AGPAT2: variants seen among roughly 807,000 people sequenced by gnomAD.
AGPAT2 encodes the protein 1-acyl-sn-glycerol-3-phosphate acyltransferase beta.
AGPAT2 carries 18 observed loss-of-function variants against 26.1 expected under a neutral mutation model. The observed-to-expected ratio is 0.69, with a 90% confidence interval of 0.48 to 1.02. The LOEUF is 1.02. AGPAT2 is among the 50% of genes least tolerant of loss of function. The probability of loss-of-function intolerance (pLI) is 0.00; values close to 1 mark genes in which losing one functional copy is unlikely to be tolerated. For missense variants in AGPAT2, 415 were observed against 394.9 expected (o/e 1.05, Z -0.43); for synonymous variants, 200 against 174.2 (o/e 1.15, Z -1.16).
chr9:136,674,457 C>T (rs1242698001), intron 5 of AGPAT2, among the ~76,000 whole-genome samples: 1 of 152,208 alleles, frequency 6.6e-6, no homozygotes, highest in African/African-American at 2.4e-5. Context: ...CCCTCCAGGC[C>T]CCCAAGCTGT....
At chr9:136,686,149 C>T (rs1360611601) in intron 1 of AGPAT2, among the ~76,000 whole-genome samples, 3 of 152,204 alleles carry the variant, frequency 2.0e-5, no homozygotes, top group Non-Finnish European at 4.4e-5. Context: ...ACTGTAGGCC[C>T]GTTCCAGCAG....
intron 1 of AGPAT2, among the ~76,000 whole-genome samples, chr9:136,685,629 C>T (rs1484742600): frequency 2.6e-5 from 4 of 152,184 alleles, no homozygotes; most frequent in Admixed American, 1.3e-4. Context: ...CCCCAGGACA[C>T]GCCCAGCACA....
chr9:136,686,328 T>G (rs1043239358), intron 1 of AGPAT2, among the ~76,000 whole-genome samples: 1 of 152,024 alleles, frequency 6.6e-6, no homozygotes, highest in African/African-American at 2.4e-5. Flanking sequence ...CAGGGAGAAA[T>G]GTAGCAACAG....
chr9:136,679,218 C>T (rs1387359368), intron 1 of AGPAT2, among the ~76,000 whole-genome samples: 5 of 152,194 alleles, frequency 3.3e-5, no homozygotes, highest in African/African-American at 7.2e-5. Context: ...TGTTCCCATG[C>T]GACACAAACC....
At position 136,674,779 on chromosome 9, in the gene AGPAT2, G is replaced by A. The variant is rs746667575; in HGVS notation, c.617C>T (p.Ser206Phe). 6.5e-6 allele frequency: 10 copies of A among 1,540,166 alleles called. No individual in the cohort carries two copies. The South Asian group carries it at 8.7e-5, about 13-fold the overall frequency. The change falls in exon 5 of 6, where the codon TCC (serine) becomes TTC (phenylalanine). Residue 206 changes from serine (S) to phenylalanine (F), a missense_variant. Ser to Phe is a radical substitution (Grantham distance 155). Coordinates refer to ENST00000371696, the MANE Select transcript of AGPAT2 (RefSeq NM_006412.4). Reference sequence around the variant, plus strand: ...CTTGGTGTTGTAGAAGGAGGAGAAGGAAGAGTACACCACGGGGACGATGGG... The same window carrying A: ...CTTGGTGTTGTAGAAGGAGGAGAAGAAAGAGTACACCACGGGGACGATGGG... ...QVPIVPVVYS[S>F]FSSFYNTKKK...
intron 1 of AGPAT2, among the ~76,000 whole-genome samples, chr9:136,678,942 G>A (rs1267020399): frequency 6.6e-6 from 1 of 152,094 alleles, no homozygotes; most frequent in Non-Finnish European, 1.5e-5. Context: ...TGGTACAGAT[G>A]GGCTTTCACC....
intron 3 of AGPAT2, 125 bp downstream of exon 3, chr9:136,676,836 A>G: frequency 7.6e-7 from 1 of 1,312,506 alleles, no homozygotes; most frequent in Non-Finnish European, 1.1e-6. Flanking sequence ...GTGGGACCCC[A>G]CCTGCGGAGC....
chr9:136,673,634 G>A lies in AGPAT2; in HGVS notation c.*118C>T, dbSNP rs1006958107. The A allele has an allele frequency of 1.1e-5, 13 of 1,167,806 alleles. No individual in the cohort carries two copies. The highest frequency in any genetic ancestry group is 1.2e-5 in the Non-Finnish European group (10 of 866,196). The allele number at this position is 1,167,806 out of a possible 1,614,324, so 72.3% of individuals were successfully genotyped here. ...GGGCTTCCTGCTTCCCGGGCTGAGT[G>A]AGAGCTGGGGGAGCCGGACAGAGTG... On this transcript the variant is annotated 3_prime_UTR_variant, in exon 6 of 6. Transcript: ENST00000371696.
Position 136,677,147 on chromosome 9 carries a change from GAGAGAC to G in AGPAT2, c.317-17_317-12del, listed in dbSNP as rs759504413. 2.1e-5 allele frequency: 34 copies of G among 1,612,538 alleles called. No homozygotes were observed. Among genetic ancestry groups the G allele is most frequent in the Middle Eastern group, 1.7e-4 (1 of 6,056 alleles). The stretch of plus-strand genomic sequence containing the variant: ...GGACCTCCATGAGGCCTGGGAGACA[GAGAGAC>G]AGAGACAGAGAGAGAGGGGGAGACA... On this transcript the variant is annotated splice_polypyrimidine_tract_variant and intron_variant, in intron 2 of 5. Transcript: ENST00000371696.
At chr9:136,683,100 GGGGCC>G (rs1846182679) in intron 1 of AGPAT2, among the ~76,000 whole-genome samples, 1 of 151,844 alleles carries the variant, frequency 6.6e-6, no homozygotes. Flanking sequence ...CAAAATGGGT[GGGGCC>G]GGGCACGGTG....
intron 4 of AGPAT2, 117 bp from the exon 5 acceptor site, chr9:136,674,924 G>T: frequency 1.6e-6 from 1 of 610,414 alleles, no homozygotes; most frequent in Non-Finnish European, 2.5e-6. Flanking sequence ...CTTCGCTGCT[G>T]CCATGGGTCC....
intron 2 of AGPAT2, 114 bp downstream of exon 2, chr9:136,677,309 G>A (rs1846105120): frequency 6.4e-7 from 1 of 1,560,874 alleles, no homozygotes; most frequent in South Asian, 1.2e-5. Context: ...CTGAGGCCGA[G>A]CTCGCCCAGG....
At chr9:136,685,009 T>A (rs73570544) in intron 1 of AGPAT2, among the ~76,000 whole-genome samples, 1,990 of 152,146 alleles carry the variant, frequency 0.013, 41 homozygotes, top group African/African-American at 0.046. Context: ...ACAGCCCCAC[T>A]CTTAGCCATT....
intron 1 of AGPAT2, among the ~76,000 whole-genome samples, chr9:136,679,468 G>A (rs1450822118): frequency 6.6e-6 from 1 of 152,098 alleles, no homozygotes; most frequent in Non-Finnish European, 1.5e-5. Flanking sequence ...CTCCTCTCCA[G>A]GCCGCGCCGG....
intron 1 of AGPAT2, among the ~76,000 whole-genome samples, chr9:136,682,160 C>T (rs1846169048): frequency 6.6e-6 from 1 of 152,212 alleles, no homozygotes. Context: ...CAGAGTCGTG[C>T]TGGGGCGGCG....
Position 136,673,651 on chromosome 9 carries a change from G to T in AGPAT2, c.*101C>A, listed in dbSNP as rs1211126808. On this transcript the variant is annotated 3_prime_UTR_variant, in exon 6 of 6. Transcript: ENST00000371696. ...GGCTGAGTGAGAGCTGGGGGAGCCGGACAGAGTGGTATTTGGAAGCCGGGA... is the reference window on the plus strand; with the variant it reads ...GGCTGAGTGAGAGCTGGGGGAGCCGTACAGAGTGGTATTTGGAAGCCGGGA... 3.1e-6 allele frequency: 4 copies of T among 1,302,962 alleles called. No homozygotes were observed. Among genetic ancestry groups the T allele is most frequent in the Non-Finnish European group, 3.1e-6 (3 of 971,724 alleles). The allele number at this position is 1,302,962 out of a possible 1,614,324, so 80.7% of individuals were successfully genotyped here. A position where few individuals can be genotyped will look rare whatever the true frequency, so the allele number is the denominator to read the frequency against.
rs770744876 is a variant in AGPAT2, at chr9:136,674,727, G to C, written c.661+8C>G. The C allele has an allele frequency of 1.3e-5, 19 of 1,481,818 alleles. No homozygotes were observed. Among genetic ancestry groups the C allele is most frequent in the Admixed American group, 2.2e-5 (1 of 45,738 alleles). The allele number at this position is 1,481,818 out of a possible 1,614,324, so 91.8% of individuals were successfully genotyped here. A position where few individuals can be genotyped will look rare whatever the true frequency, so the allele number is the denominator to read the frequency against. On this transcript the variant is annotated splice_region_variant and intron_variant, in intron 5 of 5. Coordinates refer to ENST00000371696, the MANE Select transcript of AGPAT2 (RefSeq NM_006412.4). ...GCCTACACCCCGGGTGCACACATGT[G>C]GGGGTACCTGAAGTGAAGAACTTCT...
rs1846237070 is a variant in AGPAT2 at position 136,687,348 on chromosome 9, A to G, written c.10T>C (p.Trp4Arg). The part of the protein sequence containing the change: MEL[W>R]PCLAAALLLL... The stretch of plus-strand genomic sequence containing the variant: ...AGCAGCGCCGCGGCCAGACACGGCC[A>G]CAGCTCCATGGCCCGGCCCGGCGCC... The change falls in exon 1 of 6, where the codon TGG becomes CGG. Residue 4 changes from tryptophan (W) to arginine (R), a missense_variant. Coordinates refer to ENST00000371696, the MANE Select transcript of AGPAT2 (RefSeq NM_006412.4). 1 of 1,537,630 alleles carries G rather than the reference A, an allele frequency of 6.5e-7. No individual in the cohort carries two copies. Among genetic ancestry groups the G allele is most frequent in the Non-Finnish European group, 8.7e-7 (1 of 1,150,380 alleles).
At position 136,673,625 on chromosome 9, in the gene AGPAT2, G is replaced by T; in HGVS notation, c.*127C>A. On this transcript the variant is annotated 3_prime_UTR_variant, in exon 6 of 6. Coordinates refer to ENST00000371696, the MANE Select transcript of AGPAT2 (RefSeq NM_006412.4). ...TGACAGAAGGGGCTTCCTGCTTCCC[G>T]GGCTGAGTGAGAGCTGGGGGAGCCG... is the stretch of plus-strand genomic sequence containing the variant. The T allele has an allele frequency of 9.1e-7, 1 of 1,099,626 alleles. No individual in the cohort carries two copies. The highest frequency in any genetic ancestry group is 1.2e-6 in the Non-Finnish European group (1 of 807,798). The allele number at this position is 1,099,626 out of a possible 1,614,324, so 68.1% of individuals were successfully genotyped here.
Sources: gnomAD v4.1 joint callset for allele counts (sites outside exome capture counted in the v4.1 genomes callset) on GRCh38, gnomAD v4.1.1 for gene constraint, MANE v1.5 for transcripts, NCBI Gene and HGNC (gene_info 2026-07-23, HGNC 2026-07-21) for gene names.